Variants in MYLK observed in about 807,000 individuals in gnomAD.
The protein encoded by MYLK is myosin light chain kinase, smooth muscle.
A neutral mutation model predicts 203.4 loss-of-function variants in MYLK; 106 were observed. That is an observed-to-expected ratio of 0.52 (90% CI 0.45 to 0.61). The LOEUF (loss-of-function observed/expected upper bound fraction) is 0.61, where lower values mean the gene tolerates loss of function less well. Among genes scored for constraint, MYLK ranks in the 20% least tolerant of loss-of-function variants. MYLK has a pLI of 0.00. For missense variants in MYLK, 2,072 were observed against 2,442.3 expected, an observed-to-expected ratio of 0.85 and a Z score of 3.20; for synonymous variants, 867 against 959.5, an observed-to-expected ratio of 0.90 and a Z score of 1.78.
intron 11 of MYLK, among the ~76,000 whole-genome samples, chr3:123,731,477 C>T (rs1016409443): frequency 6.6e-6 from 1 of 152,138 alleles, no homozygotes; most frequent in South Asian, 2.1e-4. Flanking sequence ...CCTAGTGCAT[C>T]TTGAACATGT....
intron 4 of MYLK, among the ~76,000 whole-genome samples, chr3:123,762,423 G>T (rs943454961): frequency 2.0e-5 from 3 of 151,886 alleles, no homozygotes; most frequent in African/African-American, 7.3e-5. Context: ...TAAAGATGGG[G>T]TTTCACCATG....
intron 3 of MYLK, among the ~76,000 whole-genome samples, chr3:123,816,356 G>A (rs1254859747): frequency 5.3e-5 from 8 of 152,240 alleles, no homozygotes; most frequent in Admixed American, 5.2e-4. Flanking sequence ...GGGGAAGATG[G>A]TAACAACACT....
intron 1 of MYLK, among the ~76,000 whole-genome samples, chr3:123,880,868 TG>T (rs2033487330): frequency 1.3e-5 from 2 of 152,090 alleles, no homozygotes; most frequent in African/African-American, 4.8e-5. Context: ...GTAAATTTCA[TG>T]GGGGCTGCAG....
At chr3:123,732,777 C>A in intron 11 of MYLK, 119 bp downstream of exon 11, 1 of 975,190 alleles carries the variant, frequency 1.0e-6, no homozygotes, top group Non-Finnish European at 1.6e-6. Context: ...GGTGACATTT[C>A]TGTCGGGCTG....
chr3:123,870,609 C>T (rs1415127581), intron 2 of MYLK, among the ~76,000 whole-genome samples: 2 of 152,240 alleles, frequency 1.3e-5, no homozygotes, highest in Non-Finnish European at 2.9e-5. Context: ...AGTTGAAAAT[C>T]AATCAATGTA....
chr3:123,635,080 T>C (rs1034610048), intron 29 of MYLK, among the ~76,000 whole-genome samples: 11 of 152,300 alleles, frequency 7.2e-5, no homozygotes, highest in Non-Finnish European at 1.3e-4. Context: ...ACACGGTCTG[T>C]TGCCTTCCCT....
rs946368790 is a variant in MYLK at position 123,758,365 on chromosome 3, G to C, written c.166-5827C>G. On this transcript the variant is annotated intron_variant, in intron 4 of 33. Transcript: ENST00000360304. Reference sequence around the variant, plus strand: ...AATTAGTGAGAGGCTTAAACTGCTGGATGCTCCCCACCCCCATGTCCAACT... The same window carrying C: ...AATTAGTGAGAGGCTTAAACTGCTGCATGCTCCCCACCCCCATGTCCAACT... Among the ~76,000 whole-genome samples the C allele has an allele frequency of 8.5e-5, 13 of 152,192 alleles. 1 individual carries two copies. Among genetic ancestry groups the C allele is most frequent in the Admixed American group, 7.2e-4 (11 of 15,278 alleles).
rs572817242 is a variant in MYLK, at chr3:123,780,271, T to TA, written c.165+13405dup. 2.0e-3 allele frequency among the ~76,000 whole-genome samples: 298 copies of TA among 152,142 alleles called. 2 individuals carry two copies. Among genetic ancestry groups the TA allele is most frequent in the Admixed American group, 3.5e-3 (54 of 15,284 alleles). ...CAATGTGGTGAAACCCCATCTCTAC[T>TA]AAAAATACAAAAATTAGCCCGGCAT... On this transcript the variant is annotated intron_variant, in intron 4 of 33. Coordinates refer to ENST00000360304, the MANE Select transcript of MYLK (RefSeq NM_053025.4).
chr3:123,727,393 T>C (rs1658482933), intron 11 of MYLK, among the ~76,000 whole-genome samples: 1 of 152,206 alleles, frequency 6.6e-6, no homozygotes. Context: ...TAGGCTTTCA[T>C]GCCAGGTCAG....
intron 3 of MYLK, among the ~76,000 whole-genome samples, chr3:123,820,627 C>CTTCA (rs1256802512): frequency 7.2e-6 from 1 of 139,858 alleles, no homozygotes; most frequent in African/African-American, 2.5e-5. Flanking sequence ...TCCTTCCTTC[C>CTTCA]TTCCTTCCTT....
At chr3:123,701,979 C>T (rs946888742) in intron 16 of MYLK, among the ~76,000 whole-genome samples, 2 of 152,184 alleles carry the variant, frequency 1.3e-5, no homozygotes, top group African/African-American at 4.8e-5. Flanking sequence ...CTCTCTTGCT[C>T]GGGAATGGAA....
chr3:123,728,734 C>T (rs576638928), intron 11 of MYLK, among the ~76,000 whole-genome samples: 15 of 152,160 alleles, frequency 9.9e-5, no homozygotes, highest in Non-Finnish European at 2.1e-4. Context: ...TGAAAATCAG[C>T]CACTTAGCAA....
chr3:123,717,947 G>A (rs766525659), intron 13 of MYLK, among the ~76,000 whole-genome samples: 1 of 144,534 alleles, frequency 6.9e-6, no homozygotes, highest in Non-Finnish European at 1.5e-5. Flanking sequence ...CTGCAGTCTC[G>A]ACCTCGCAGG....
chr3:123,700,642 C>G lies in MYLK; in HGVS notation c.2826G>C (p.Glu942Asp), dbSNP rs371613462. Residue 942 changes from glutamate (E) to aspartate (D), a missense_variant, in exon 18 of 34, where the codon GAG becomes GAC. Physicochemically the swap from Glu to Asp is conservative, Grantham distance 45. Around this residue, in one of 3 missense-constraint regions of MYLK, gnomAD observed 865 missense variants for 1,016.0 expected, o/e 0.85. Coordinates refer to ENST00000360304, the MANE Select transcript of MYLK (RefSeq NM_053025.4). ...CCTGCTGGGGGCTGTGCACCTTCCT[C>G]TCTTCCTCAGACACAGTCTTTGGCT... Reference protein sequence around the residue: ...QVKPKTVSEEERKVHSPQQVD... With the variant: ...QVKPKTVSEEDRKVHSPQQVD... 9 of 1,614,004 alleles carry G rather than the reference C, an allele frequency of 5.6e-6. No homozygotes were observed. The African/African-American group carries it at 1.1e-4, about 19-fold the overall frequency.
At chr3:123,841,705 C>T (rs922420543) in intron 2 of MYLK, among the ~76,000 whole-genome samples, 1 of 152,152 alleles carries the variant, frequency 6.6e-6, no homozygotes, top group Non-Finnish European at 1.5e-5. Flanking sequence ...AATTTCCTTT[C>T]CACCCACTCC....
rs1394163611 is a variant in MYLK, at chr3:123,612,476, G to T, written c.*1629C>A. 6.6e-6 allele frequency: 1 copy of T among 152,326 alleles called. No homozygotes were observed. Among genetic ancestry groups the T allele is most frequent in the Non-Finnish European group, 1.5e-5 (1 of 67,982 alleles). The allele number at this position is 152,326 out of a possible 1,614,324, so 9.4% of individuals were successfully genotyped here. A position where few individuals can be genotyped will look rare whatever the true frequency, so the allele number is the denominator to read the frequency against. On this transcript the variant is annotated 3_prime_UTR_variant, in exon 34 of 34. Coordinates refer to ENST00000360304, the MANE Select transcript of MYLK (RefSeq NM_053025.4). ...ACACATGCACACACACAACATACAC[G>T]CACACAAAGGTTATATTCTGAACAC...
intron 5 of MYLK, among the ~76,000 whole-genome samples, chr3:123,746,892 G>A (rs1444804369): frequency 6.6e-6 from 1 of 152,128 alleles, no homozygotes; most frequent in Non-Finnish European, 1.5e-5. Flanking sequence ...ACATAAATGG[G>A]AAATATAATT....
intron 19 of MYLK, among the ~76,000 whole-genome samples, chr3:123,692,081 G>C (rs1560079673): frequency 6.6e-6 from 1 of 152,200 alleles, no homozygotes; most frequent in Non-Finnish European, 1.5e-5. Context: ...TGCACTTCCT[G>C]CATTTCCTTA....
At chr3:123,744,086 CT>C (rs11356236) in intron 5 of MYLK, among the ~76,000 whole-genome samples, 149,250 of 152,324 alleles carry the variant, frequency 0.98, 73,208 homozygotes, top group Middle Eastern at 1. Flanking sequence ...CACGTATTAA[CT>C]GATATCCCCA....
Sources: allele counts gnomAD v4.1 joint callset (sites outside exome capture counted in the v4.1 genomes callset), GRCh38; gene constraint gnomAD v4.1.1; regional missense constraint gnomAD v4.1.1; transcripts MANE v1.5; gene names NCBI Gene and HGNC (gene_info 2026-07-23, HGNC 2026-07-21).